The following SLC13A4 variants were observed in gnomAD, a reference collection of about 807,000 sequenced individuals.
The protein encoded by SLC13A4 is Na(+)/sulfate cotransporter SUT-1.
Under a neutral mutation model 72.7 loss-of-function variants are expected in SLC13A4, and 28 were observed. The ratio of observed to expected loss-of-function variants is 0.39; its 90% CI spans 0.29 to 0.53. The LOEUF (loss-of-function observed/expected upper bound fraction) is 0.53. Ranked by LOEUF, SLC13A4 falls within the 20% of genes least tolerant of loss-of-function variation. The probability of loss-of-function intolerance (pLI) is 0.78; values close to 1 mark genes in which losing one functional copy is unlikely to be tolerated. For synonymous variants in SLC13A4, 312 were observed against 325.5 expected, an observed-to-expected ratio of 0.96 and a Z score of 0.45; for missense variants, 653 against 788.0, an observed-to-expected ratio of 0.83 and a Z score of 2.05.
chr7:135,711,232 AC>A (rs570372355), intron 2 of SLC13A4, among the ~76,000 whole-genome samples: 43 of 152,238 alleles, frequency 2.8e-4, no homozygotes, highest in African/African-American at 9.6e-4. Flanking sequence ...CAGCCCCATG[AC>A]ACAGCCCTGC....
chr7:135,704,552 C>T (rs1347380864), intron 5 of SLC13A4: 1 of 150,776 alleles, frequency 6.6e-6, no homozygotes, highest in Non-Finnish European at 1.5e-5. Context: ...CAGAAAGAAG[C>T]TCAACTCCCT....
chr7:135,691,676 A>G (rs1372304441), intron 11 of SLC13A4, 31 bp from the exon 12 acceptor site: 2 of 1,515,940 alleles, frequency 1.3e-6, no homozygotes, highest in African/African-American at 2.8e-5. Context: ...GCTGAGGAGA[A>G]GGGTCAGGAA....
chr7:135,696,606 G>A (rs753684000), intron 8 of SLC13A4, among the ~76,000 whole-genome samples: 14 of 152,082 alleles, frequency 9.2e-5, no homozygotes, highest in Non-Finnish European at 1.6e-4. Context: ...GCCTGCCTTC[G>A]CCTCCCAAAA....
intron 5 of SLC13A4, chr7:135,705,321 GT>G (rs1186992173): frequency 2.4e-6 from 1 of 412,812 alleles, no homozygotes; most frequent in Non-Finnish European, 4.4e-6. Flanking sequence ...TGTGTGGACA[GT>G]TCATATATCC....
intron 2 of SLC13A4, among the ~76,000 whole-genome samples, chr7:135,719,216 G>A (rs546447684): frequency 2.6e-5 from 4 of 152,278 alleles, no homozygotes; most frequent in African/African-American, 9.6e-5. Context: ...TTACGGGTTT[G>A]GCCTTCCTCT....
chr7:135,709,429 A>ATTTT (rs1563166250), intron 2 of SLC13A4, among the ~76,000 whole-genome samples: 83 of 90,594 alleles, frequency 9.2e-4, no homozygotes, highest in Admixed American at 3.9e-3. Flanking sequence ...TTTTTTTAAA[A>ATTTT]AAAAATTTGA....
intron 5 of SLC13A4, 118 bp downstream of exon 5, chr7:135,705,478 A>C: frequency 2.3e-6 from 2 of 875,692 alleles, no homozygotes; most frequent in South Asian, 1.7e-5. Flanking sequence ...TGGTGTGGCA[A>C]GGTGGTGAGC....
At chr7:135,701,442 A>G (rs1220148120) in intron 7 of SLC13A4, among the ~76,000 whole-genome samples, 2 of 152,188 alleles carry the variant, frequency 1.3e-5, no homozygotes, top group Admixed American at 1.3e-4. Context: ...ATCTACACCA[A>G]ACCCCAGCTT....
intron 1 of SLC13A4, among the ~76,000 whole-genome samples, chr7:135,724,861 G>A (rs1415519683): frequency 6.6e-6 from 1 of 152,156 alleles, no homozygotes; most frequent in African/African-American, 2.4e-5. Flanking sequence ...CCAAAATTCA[G>A]GAGGTAAGCT....
intron 4 of SLC13A4, 111 bp downstream of exon 4, chr7:135,706,017 G>A: frequency 1.1e-6 from 1 of 948,238 alleles, no homozygotes; most frequent in Non-Finnish European, 1.5e-6. Context: ...GCATGGCTGA[G>A]GGGGTCCTGG....
chr7:135,694,306 G>T, intron 9 of SLC13A4, 68 bp from the exon 10 acceptor site: 1 of 977,274 alleles, frequency 1.0e-6, no homozygotes, highest in Non-Finnish European at 1.6e-6. Flanking sequence ...CAAATATTAG[G>T]TAAATACTAA....
intron 2 of SLC13A4, among the ~76,000 whole-genome samples, chr7:135,713,194 A>G (rs1428850673): frequency 6.6e-6 from 1 of 152,236 alleles, no homozygotes; most frequent in Non-Finnish European, 1.5e-5. Context: ...TTAGATTCTA[A>G]ATGGCTGTTC....
chr7:135,719,328 G>A (rs1267578444), intron 2 of SLC13A4, among the ~76,000 whole-genome samples: 1 of 152,324 alleles, frequency 6.6e-6, no homozygotes, highest in Admixed American at 6.5e-5. Flanking sequence ...AAGGCATGCT[G>A]TTGGCTTTTG....
At chr7:135,714,562 C>T (rs1796371704) in intron 2 of SLC13A4, among the ~76,000 whole-genome samples, 3 of 152,220 alleles carry the variant, frequency 2.0e-5, no homozygotes, top group African/African-American at 7.2e-5. Context: ...AGGGTGAGGG[C>T]AGCCTGGGGT....
intron 6 of SLC13A4, 119 bp from the exon 7 acceptor site, chr7:135,701,879 G>T (rs571173755): frequency 6.4e-5 from 58 of 910,084 alleles, no homozygotes; most frequent in Non-Finnish European, 9.2e-5. Flanking sequence ...GGAACCAGAG[G>T]CCAGAAGCCA....
At chr7:135,707,975 A>G (rs1796206280) in intron 3 of SLC13A4, 139 bp downstream of exon 3, 4 of 1,019,408 alleles carry the variant, frequency 3.9e-6, no homozygotes, top group South Asian at 1.6e-5. Flanking sequence ...GACGGGTCCT[A>G]TGGCTCTGGT....
chr7:135,715,988 A>C (rs557664091), intron 2 of SLC13A4, among the ~76,000 whole-genome samples: 28 of 152,332 alleles, frequency 1.8e-4, no homozygotes, highest in South Asian at 1.0e-3. Flanking sequence ...TGTATCTGGC[A>C]TGGTCATTTG....
intron 13 of SLC13A4, among the ~76,000 whole-genome samples, chr7:135,686,712 A>T (rs1795634557): frequency 6.6e-6 from 1 of 152,174 alleles, no homozygotes. Context: ...AGGCATATTG[A>T]CCGTCCTGAA....
At chr7:135,689,373 T>C (rs572143326) in intron 13 of SLC13A4, among the ~76,000 whole-genome samples, 1 of 152,334 alleles carries the variant, frequency 6.6e-6, no homozygotes, top group South Asian at 2.1e-4. Context: ...AGGGTTCTAA[T>C]TGACTGCAGT....
Sources: allele counts gnomAD v4.1 joint callset (sites outside exome capture counted in the v4.1 genomes callset), GRCh38; gene constraint gnomAD v4.1.1; transcripts MANE v1.5; gene names NCBI Gene and HGNC (gene_info 2026-07-23, HGNC 2026-07-21).